Variants in SLC67A2 observed in about 807,000 individuals in gnomAD.
SLC67A2 encodes the protein solute carrier family 67 member A2.
the SLC67A2 span, chr2:102,719,135 G>A: frequency 6.2e-7 from 1 of 1,614,220 alleles, no homozygotes; most frequent in Non-Finnish European, 8.5e-7. Flanking sequence ...CAGCACATGG[G>A]TCTTTCGCAA....
At chr2:102,725,699 T>C in the SLC67A2 span, among the ~76,000 whole-genome samples, 2 of 68,876 alleles carry the variant, frequency 2.9e-5, no homozygotes, top group African/African-American at 1.0e-4. Context: ...AAAGGCATGG[T>C]TAAGAATGTT....
At chr2:102,731,068 C>G in the SLC67A2 span, 10 of 1,613,026 alleles carry the variant, frequency 6.2e-6, no homozygotes, top group Non-Finnish European at 8.5e-6. Context: ...ATAGGAGGAG[C>G]CTGTAAAAAA....
chr2:102,735,277 G>A, the SLC67A2 span, among the ~76,000 whole-genome samples: 45,322 of 152,122 alleles, frequency 0.3, 7,965 homozygotes, highest in African/African-American at 0.5. Flanking sequence ...CTAAAAAGCC[G>A]CCCTCCCTGA....
At chr2:102,733,014 A>G in the SLC67A2 span, among the ~76,000 whole-genome samples, 3 of 152,222 alleles carry the variant, frequency 2.0e-5, no homozygotes, top group African/African-American at 7.2e-5. Flanking sequence ...CCGTGCTGTC[A>G]TCTGCAAAGG....
the SLC67A2 span, among the ~76,000 whole-genome samples, chr2:102,726,180 A>G: frequency 3.3e-5 from 5 of 152,236 alleles, no homozygotes; most frequent in African/African-American, 4.8e-5. Flanking sequence ...GTCCCCGCTA[A>G]CTGACAGTCA....
At chr2:102,732,372 C>G in the SLC67A2 span, 3 of 1,613,600 alleles carry the variant, frequency 1.9e-6, no homozygotes, top group African/African-American at 4.0e-5. Context: ...GACATGAAGG[C>G]TCAATAAAGG....
chr2:102,724,270 C>T, the SLC67A2 span, among the ~76,000 whole-genome samples: 1 of 152,176 alleles, frequency 6.6e-6, no homozygotes, highest in Non-Finnish European at 1.5e-5. Flanking sequence ...CGAGTTTTCA[C>T]TCTTTACACA....
the SLC67A2 span, among the ~76,000 whole-genome samples, chr2:102,733,316 TAC>T: frequency 6.6e-6 from 1 of 152,232 alleles, no homozygotes; most frequent in African/African-American, 2.4e-5. Context: ...CCTTCTTTCA[TAC>T]AGCTGGTTAG....
the SLC67A2 span, among the ~76,000 whole-genome samples, chr2:102,729,273 T>C: frequency 1.3e-5 from 2 of 152,294 alleles, no homozygotes; most frequent in South Asian, 2.1e-4. Flanking sequence ...GAGTCATAGT[T>C]AGCAATAAAA....
chr2:102,727,018 C>G, the SLC67A2 span: 13 of 1,591,894 alleles, frequency 8.2e-6, no homozygotes, highest in East Asian at 2.7e-4. Flanking sequence ...TTCACAGTAA[C>G]GACTACCACC....
At chr2:102,736,569 G>T in the SLC67A2 span, 10 of 1,612,070 alleles carry the variant, frequency 6.2e-6, no homozygotes, top group Non-Finnish European at 6.8e-6. Flanking sequence ...GAGCTCCCCG[G>T]AAGCTCCAAG....
At chr2:102,720,624 C>T in the SLC67A2 span, among the ~76,000 whole-genome samples, 2 of 152,124 alleles carry the variant, frequency 1.3e-5, no homozygotes, top group African/African-American at 4.8e-5. Flanking sequence ...GTTCTCATAA[C>T]AAGGCTATGT....
chr2:102,718,803 G>A, the SLC67A2 span: 5 of 1,613,702 alleles, frequency 3.1e-6, no homozygotes, highest in Admixed American at 1.7e-5. Context: ...TGCGAGTTGT[G>A]CTTGTACAGC....
the SLC67A2 span, among the ~76,000 whole-genome samples, chr2:102,729,446 T>C: frequency 6.6e-6 from 1 of 152,192 alleles, no homozygotes. Flanking sequence ...CTCTAACAGA[T>C]ACACACATCA....
the SLC67A2 span, among the ~76,000 whole-genome samples, chr2:102,726,079 A>G: frequency 1.3e-5 from 2 of 152,374 alleles, no homozygotes; most frequent in East Asian, 3.9e-4. Context: ...AAAAATGGAC[A>G]AAATAAAAGC....
At chr2:102,724,630 C>T in the SLC67A2 span, among the ~76,000 whole-genome samples, 35 of 152,312 alleles carry the variant, frequency 2.3e-4, no homozygotes, top group African/African-American at 7.5e-4. Flanking sequence ...TGGTAACCAG[C>T]GGCCCACTAT....
chr2:102,732,496 C>G, the SLC67A2 span: 1 of 1,105,714 alleles, frequency 9.0e-7, no homozygotes, highest in Non-Finnish European at 1.3e-6. Flanking sequence ...AAAAATAAAA[C>G]CAATATCTAA....
the SLC67A2 span, chr2:102,731,092 A>G: frequency 1.9e-6 from 3 of 1,609,094 alleles, no homozygotes; most frequent in Non-Finnish European, 8.5e-7. Flanking sequence ...ATCAATAACA[A>G]TAAAATCAGC....
chr2:102,717,193 C>G, the SLC67A2 span: 1 of 142,244 alleles, frequency 7.0e-6, no homozygotes, highest in Non-Finnish European at 1.6e-5. Flanking sequence ...TCACGCCCGG[C>G]TAATTTTTTT....
Sources: gnomAD v4.1 joint callset for allele counts (sites outside exome capture counted in the v4.1 genomes callset) on GRCh38, gnomAD v4.1.1 for gene constraint, MANE v1.5 for transcripts, NCBI Gene and HGNC (gene_info 2026-07-23, HGNC 2026-07-21) for gene names.